Variants in AP3B1 observed in about 807,000 individuals in gnomAD.
AP3B1 encodes the protein AP-3 complex subunit beta-1.
Under a neutral mutation model 132.5 loss-of-function variants are expected in AP3B1, and 61 were observed. That is an observed-to-expected ratio of 0.46 (90% CI 0.37 to 0.57). The LOEUF (loss-of-function observed/expected upper bound fraction) is 0.57. Among genes scored for constraint, AP3B1 ranks in the 20% least tolerant of loss-of-function variants. The probability of loss-of-function intolerance (pLI) is 0.00; values close to 1 mark genes in which losing one functional copy is unlikely to be tolerated. For synonymous variants in AP3B1, 388 were observed against 438.3 expected (o/e 0.89, Z 1.43); for missense variants, 1,120 against 1,289.4 (o/e 0.87, Z 2.01).
At chr5:78,092,488 T>A (rs1409944614) in intron 21 of AP3B1, among the ~76,000 whole-genome samples, 2 of 152,084 alleles carry the variant, frequency 1.3e-5, no homozygotes, top group Non-Finnish European at 2.9e-5. Flanking sequence ...ATGGGGTTTT[T>A]AAAAAAAATG....
At chr5:78,279,324 A>G (rs1040482335) in intron 1 of AP3B1, among the ~76,000 whole-genome samples, 4 of 152,182 alleles carry the variant, frequency 2.6e-5, no homozygotes, top group Non-Finnish European at 5.9e-5. Context: ...TATTTTCTGA[A>G]GCTTATAACA....
In AP3B1 at chr5:78,110,448, T is replaced by TA. The variant is rs1561412844; in HGVS notation, c.2250-95_2250-94insT. On this transcript the variant is annotated intron_variant, in intron 19 of 26. Coordinates refer to ENST00000255194, the MANE Select transcript of AP3B1 (RefSeq NM_003664.5). ...GTTTTTAAATTCCAGAATACATTAA[T>TA]GAGGTAATAAAAAAGGTATTACCCA... 1.4e-4 allele frequency: 124 copies of TA among 894,024 alleles called. No homozygotes were observed. The South Asian group carries it at 1.9e-3, about 14-fold the overall frequency. The allele number at this position is 894,024 out of a possible 1,614,324, so 55.4% of individuals were successfully genotyped here.
chr5:78,199,926 A>G (rs892817438), intron 7 of AP3B1, among the ~76,000 whole-genome samples: 81 of 152,296 alleles, frequency 5.3e-4, no homozygotes, highest in African/African-American at 1.8e-3. Context: ...CATTATTTCC[A>G]AAATATTCTT....
chr5:78,112,842 T>G (rs572011948), intron 19 of AP3B1, among the ~76,000 whole-genome samples: 2 of 152,218 alleles, frequency 1.3e-5, no homozygotes, highest in African/African-American at 4.8e-5. Flanking sequence ...AATTTACTGG[T>G]AACTAGGTTT....
intron 22 of AP3B1, among the ~76,000 whole-genome samples, chr5:78,081,870 T>C (rs527801359): frequency 6.6e-6 from 1 of 151,718 alleles, no homozygotes; most frequent in African/African-American, 2.4e-5. Flanking sequence ...TAGAGCAAAC[T>C]GATATTTACT....
At chr5:78,038,349 T>A (rs940227663) in intron 23 of AP3B1, among the ~76,000 whole-genome samples, 2 of 152,240 alleles carry the variant, frequency 1.3e-5, no homozygotes, top group Non-Finnish European at 2.9e-5. Flanking sequence ...CAGACTAGTC[T>A]ACATCGGGGG....
chr5:78,051,168 C>T (rs537839847), intron 22 of AP3B1, among the ~76,000 whole-genome samples: 1 of 152,222 alleles, frequency 6.6e-6, no homozygotes, highest in Non-Finnish European at 1.5e-5. Context: ...TGAGAGTGCA[C>T]ATAACTGTCT....
intron 22 of AP3B1, among the ~76,000 whole-genome samples, chr5:78,084,542 A>AAAAAAAAAAG (rs1750153431): frequency 6.7e-6 from 1 of 149,338 alleles, no homozygotes; most frequent in African/African-American, 2.5e-5. Context: ...AAAAAAAAAA[A>AAAAAAAAAAG]AAAAGAAAAG....
intron 11 of AP3B1, among the ~76,000 whole-genome samples, chr5:78,171,621 A>C (rs1469971347): frequency 6.6e-6 from 1 of 152,102 alleles, no homozygotes; most frequent in Non-Finnish European, 1.5e-5. Flanking sequence ...TTGTTTATCA[A>C]CTTAAGGAGA....
At chr5:78,049,694 T>C (rs138062235) in intron 22 of AP3B1, among the ~76,000 whole-genome samples, 26 of 152,320 alleles carry the variant, frequency 1.7e-4, no homozygotes, top group East Asian at 5.8e-4. Context: ...ACCTATCATC[T>C]GGATTATTCC....
intron 14 of AP3B1, among the ~76,000 whole-genome samples, chr5:78,147,382 T>C (rs1369041972): frequency 1.3e-5 from 2 of 152,194 alleles, no homozygotes; most frequent in Non-Finnish European, 2.9e-5. Context: ...GCTTTAACTA[T>C]AAATGGCCTG....
chr5:78,033,165 C>T (rs989682049), intron 24 of AP3B1, among the ~76,000 whole-genome samples: 3 of 152,082 alleles, frequency 2.0e-5, no homozygotes, highest in Non-Finnish European at 4.4e-5. Flanking sequence ...AATGAATATA[C>T]CTCTGGTGTC....
intron 11 of AP3B1, among the ~76,000 whole-genome samples, chr5:78,173,155 C>T (rs1417580820): frequency 6.6e-6 from 1 of 152,166 alleles, no homozygotes; most frequent in African/African-American, 2.4e-5. Context: ...TTTACATTTG[C>T]TGAGGAGTGC....
downstream of AP3B1, chr5:78,001,522 G>A (rs369212991): frequency 6.6e-6 from 1 of 152,180 alleles, no homozygotes. Flanking sequence ...TCTTCCCGGA[G>A]ATTCAGGGCT....
intron 2 of AP3B1, among the ~76,000 whole-genome samples, chr5:78,242,392 C>T (rs1400468237): frequency 1.4e-5 from 2 of 147,462 alleles, no homozygotes; most frequent in Admixed American, 6.8e-5. Context: ...ACTGTGTCAC[C>T]CAATCCTAAT....
chr5:78,268,784 G>C (rs562342822), intron 1 of AP3B1, among the ~76,000 whole-genome samples: 21 of 152,250 alleles, frequency 1.4e-4, no homozygotes, highest in Middle Eastern at 6.8e-3. Context: ...AGAAAAGCTA[G>C]TCTTCAACAA....
At chr5:78,274,147 A>C (rs1748675090) in intron 1 of AP3B1, among the ~76,000 whole-genome samples, 1 of 151,996 alleles carries the variant, frequency 6.6e-6, no homozygotes, top group African/African-American at 2.4e-5. Flanking sequence ...TGTAGAAGAG[A>C]TGGACAAAAC....
At chr5:78,082,633 T>C (rs1170464969) in intron 22 of AP3B1, among the ~76,000 whole-genome samples, 1 of 152,212 alleles carries the variant, frequency 6.6e-6, no homozygotes, top group Non-Finnish European at 1.5e-5. Flanking sequence ...ACCAGGTCTT[T>C]GGGCTCCAGA....
At chr5:78,126,325 C>A (rs772909192) in intron 17 of AP3B1, among the ~76,000 whole-genome samples, 4 of 151,048 alleles carry the variant, frequency 2.6e-5, no homozygotes, top group Non-Finnish European at 5.9e-5. Flanking sequence ...GCCAACATGG[C>A]GAAACCCCAT....
Sources: allele counts gnomAD v4.1 joint callset (sites outside exome capture counted in the v4.1 genomes callset), GRCh38; gene constraint gnomAD v4.1.1; transcripts MANE v1.5; gene names NCBI Gene and HGNC (gene_info 2026-07-23, HGNC 2026-07-21).